KIAA1549L: variants seen among roughly 807,000 people sequenced by gnomAD.
KIAA1549L encodes UPF0606 protein KIAA1549L.
A neutral mutation model predicts 160.7 loss-of-function variants in KIAA1549L; 88 were observed. The ratio of observed to expected loss-of-function variants is 0.55; its 90% CI spans 0.46 to 0.65. KIAA1549L has a LOEUF of 0.65. Ranked by LOEUF, KIAA1549L falls within the 30% of genes least tolerant of loss-of-function variation. The pLI is 0.00. For missense variants in KIAA1549L, 2,258 were observed against 2,437.5 expected, an observed-to-expected ratio of 0.93 and a Z score of 1.55; for synonymous variants, 950 against 976.7, an observed-to-expected ratio of 0.97 and a Z score of 0.51.
At chr11:33,478,275 G>GA (rs1565152619) in intron 1 of KIAA1549L, among the ~76,000 whole-genome samples, 1 of 151,848 alleles carries the variant, frequency 6.6e-6, no homozygotes, top group African/African-American at 2.4e-5. Context: ...AACTCACAGA[G>GA]GCAAGTTTTG....
chr11:33,586,207 C>T (rs143513263), intron 11 of KIAA1549L, among the ~76,000 whole-genome samples: 15 of 152,350 alleles, frequency 9.8e-5, no homozygotes, highest in African/African-American at 2.4e-4. Context: ...CTGGGGACAT[C>T]GCTGCATCTT....
chr11:33,446,702 A>G (rs1851619522), intron 1 of KIAA1549L, among the ~76,000 whole-genome samples: 2 of 152,030 alleles, frequency 1.3e-5, no homozygotes, highest in African/African-American at 4.8e-5. Context: ...TAGAGGATAC[A>G]TGTCTAAGAT....
At position 33,543,323 on chromosome 11, in the gene KIAA1549L, A is replaced by G; in HGVS notation, c.1760A>G (p.Lys587Arg). The G allele has an allele frequency of 6.2e-7, 1 of 1,614,074 alleles. No homozygotes were observed. Among genetic ancestry groups the G allele is most frequent in the Non-Finnish European group, 8.5e-7 (1 of 1,179,902 alleles). The change falls in exon 2 of 21, where the codon AAA becomes AGA. Residue 587 changes from lysine (K) to arginine (R), a missense_variant. Lys to Arg is a conservative substitution (Grantham distance 26, BLOSUM62 2). Around this residue, in one of 6 missense-constraint regions of KIAA1549L, gnomAD observed 540 missense variants for 465.7 expected, o/e 1.16. Transcript: ENST00000658780. ...VTIPLQAFPR[K>R]EVLSLHTVNG... Reference sequence around the variant, plus strand: ...ATTCCTCTCCAGGCCTTTCCAAGGAAAGAGGTTTTGAGTCTTCACACTGTA... The same window carrying G: ...ATTCCTCTCCAGGCCTTTCCAAGGAGAGAGGTTTTGAGTCTTCACACTGTA...
At chr11:33,381,936 A>G (rs1421724456) in intron 1 of KIAA1549L, among the ~76,000 whole-genome samples, 1 of 152,236 alleles carries the variant, frequency 6.6e-6, no homozygotes, top group Non-Finnish European at 1.5e-5. Flanking sequence ...TAATTGAGAC[A>G]GCAGTTCAGG....
In KIAA1549L at chr11:33,574,769, A is replaced by G. The variant is rs1433694198; in HGVS notation, c.4298A>G (p.Asn1433Ser). Reference sequence around the variant, plus strand: ...GAGCTGACTTACTATACCCTGTACAACGGGAAGCCTTTGTTGGGGACCGCA... The same window carrying G: ...GAGCTGACTTACTATACCCTGTACAGCGGGAAGCCTTTGTTGGGGACCGCA... ...PAELTYYTLY[N>S]GKPLLGTAAA... is the part of the protein sequence containing the mutation. The change falls in exon 10 of 21, where the codon AAC (asparagine) becomes AGC (serine). Residue 1433 changes from asparagine to serine, a missense_variant. Physicochemically the swap from Asn to Ser is conservative, Grantham distance 46. Around this residue, in one of 6 missense-constraint regions of KIAA1549L, gnomAD observed 1,359 missense variants for 1,546.6 expected, o/e 0.88. Coordinates refer to ENST00000658780, the MANE Select transcript of KIAA1549L (RefSeq NM_012194.3). 1 of 1,614,000 alleles carries G rather than the reference A, an allele frequency of 6.2e-7. No individual in the cohort carries two copies. Among genetic ancestry groups the G allele is most frequent in the Non-Finnish European group, 8.5e-7 (1 of 1,179,866 alleles).
intron 20 of KIAA1549L, among the ~76,000 whole-genome samples, chr11:33,666,762 C>T (rs1852469599): frequency 6.6e-6 from 1 of 152,188 alleles, no homozygotes; most frequent in South Asian, 2.1e-4. Context: ...AGATCCAAGA[C>T]GTTGTAATGC....
intron 12 of KIAA1549L, among the ~76,000 whole-genome samples, chr11:33,592,682 A>G (rs1472543436): frequency 6.6e-6 from 1 of 152,254 alleles, no homozygotes; most frequent in Non-Finnish European, 1.5e-5. Context: ...ATAGAGAAAC[A>G]GGTAAAATCT....
At chr11:33,561,514 T>C (rs1355647402) in intron 7 of KIAA1549L, among the ~76,000 whole-genome samples, 162 bp from the exon 8 acceptor site, 1 of 152,202 alleles carries the variant, frequency 6.6e-6, no homozygotes. Flanking sequence ...CATGTTATAG[T>C]CCAGCTACTC....
intron 1 of KIAA1549L, among the ~76,000 whole-genome samples, chr11:33,386,605 C>T (rs1385441417): frequency 2.0e-5 from 3 of 152,116 alleles, no homozygotes; most frequent in East Asian, 3.9e-4. Flanking sequence ...ATCGCTTGCA[C>T]CTGGGAGGCA....
intron 16 of KIAA1549L, among the ~76,000 whole-genome samples, chr11:33,639,697 G>C (rs993150647): frequency 1.3e-5 from 2 of 152,014 alleles, no homozygotes; most frequent in Non-Finnish European, 2.9e-5. Flanking sequence ...GCGCTACCTC[G>C]CCTGGCTAAT....
intron 1 of KIAA1549L, among the ~76,000 whole-genome samples, chr11:33,522,018 G>A (rs954799239): frequency 6.6e-6 from 1 of 152,168 alleles, no homozygotes; most frequent in Non-Finnish European, 1.5e-5. Context: ...TGTAGCCTCA[G>A]TTTGTGAAAC....
chr11:33,468,936 G>A (rs963124154), intron 1 of KIAA1549L, among the ~76,000 whole-genome samples: 1 of 152,150 alleles, frequency 6.6e-6, no homozygotes, highest in African/African-American at 2.4e-5. Context: ...TGTTGAAAGA[G>A]GGTACAATAA....
At chr11:33,630,053 G>T (rs532642317) in intron 16 of KIAA1549L, among the ~76,000 whole-genome samples, 4 of 152,222 alleles carry the variant, frequency 2.6e-5, no homozygotes, top group Admixed American at 2.6e-4. Flanking sequence ...ACCGTGTGAG[G>T]TGTCAGTCTG....
At chr11:33,659,130 A>G (rs1269239919) in intron 19 of KIAA1549L, among the ~76,000 whole-genome samples, 1 of 152,204 alleles carries the variant, frequency 6.6e-6, no homozygotes, top group Admixed American at 6.5e-5. Flanking sequence ...GTCAGCATGT[A>G]TGTTAACATT....
rs143042830 is a variant in KIAA1549L at position 33,651,558 on chromosome 11, G to A, written c.5761-4454G>A. Among the ~76,000 whole-genome samples, 579 of 152,050 alleles carry A rather than the reference G, an allele frequency of 3.8e-3. 16 individuals carry two copies. The highest frequency in any genetic ancestry group is 0.035 in the Admixed American group (533 of 15,294). On this transcript the variant is annotated intron_variant, in intron 17 of 20. Transcript: ENST00000658780. ...AGAACTATGGAGGAAAAATGACTACGATTACTGCTGAGCATCCCAAATTCT... is the reference window on the plus strand; with the variant it reads ...AGAACTATGGAGGAAAAATGACTACAATTACTGCTGAGCATCCCAAATTCT...
intron 19 of KIAA1549L, 87 bp from the exon 20 acceptor site, chr11:33,660,776 A>G: frequency 7.3e-7 from 1 of 1,374,698 alleles, no homozygotes; most frequent in South Asian, 1.4e-5. Flanking sequence ...CAGGGAGCCA[A>G]TGAAACTGAC....
At chr11:33,377,350 C>G (rs541344506) in intron 1 of KIAA1549L, among the ~76,000 whole-genome samples, 1 of 152,146 alleles carries the variant, frequency 6.6e-6, no homozygotes, top group African/African-American at 2.4e-5. Flanking sequence ...ATAGCGGAAC[C>G]CTTTTCTTTT....
chr11:33,606,891 C>A lies in KIAA1549L; in HGVS notation c.5061+69C>A, dbSNP rs11828443. The A allele has an allele frequency of 0.018, 24,841 of 1,349,062 alleles. 3,374 individuals carry two copies. The African/African-American group carries it at 0.31, about 17-fold the overall frequency. 83.6% of individuals were successfully genotyped at this position (1,349,062 alleles called of 1,614,324 possible). On this transcript the variant is annotated intron_variant, in intron 14 of 20. Coordinates refer to ENST00000658780, the MANE Select transcript of KIAA1549L (RefSeq NM_012194.3). ...TTGGGAAATTCGGACGAAGGAACAA[C>A]ACCTGTGAATACTGGGTGCAGATTG... is the stretch of plus-strand genomic sequence containing the variant.
At chr11:33,552,702 ACATG>A (rs1854507590) in intron 6 of KIAA1549L, among the ~76,000 whole-genome samples, 1 of 52,112 alleles carries the variant, frequency 1.9e-5, no homozygotes, top group Non-Finnish European at 3.8e-5. Context: ...ACACACACAC[ACATG>A]CGTTTTATAT....
Sources: allele counts gnomAD v4.1 joint callset (sites outside exome capture counted in the v4.1 genomes callset), GRCh38; gene constraint gnomAD v4.1.1; regional missense constraint gnomAD v4.1.1; transcripts MANE v1.5; gene names NCBI Gene and HGNC (gene_info 2026-07-23, HGNC 2026-07-21).